The following IQCB1 variants were observed in gnomAD, a reference collection of about 807,000 sequenced individuals.
IQCB1 encodes IQ calmodulin-binding motif-containing protein 1.
A neutral mutation model predicts 84.4 loss-of-function variants in IQCB1; 56 were observed. The ratio of observed to expected loss-of-function variants is 0.66; its 90% CI spans 0.54 to 0.83. The LOEUF (loss-of-function observed/expected upper bound fraction) is 0.83, where lower values mean the gene tolerates loss of function less well. Among genes scored for constraint, IQCB1 ranks in the 40% least tolerant of loss-of-function variants. IQCB1 has a pLI of 0.00. For synonymous variants in IQCB1, 210 were observed against 234.8 expected, an observed-to-expected ratio of 0.89 and a Z score of 0.96; for missense variants, 629 against 682.1, an observed-to-expected ratio of 0.92 and a Z score of 0.87.
intron 10 of IQCB1, among the ~76,000 whole-genome samples, chr3:121,792,801 AT>A (rs1229385186): frequency 6.6e-6 from 1 of 152,150 alleles, no homozygotes; most frequent in African/African-American, 2.4e-5. Flanking sequence ...TTTGAATGTA[AT>A]TCCCCCATTT....
intron 5 of IQCB1, among the ~76,000 whole-genome samples, chr3:121,822,151 C>T (rs185964520): frequency 3.9e-5 from 6 of 152,290 alleles, no homozygotes; most frequent in Middle Eastern, 3.4e-3. Flanking sequence ...ATTCTAAGGC[C>T]TTTAAACTCA....
At chr3:121,791,700 C>T (rs1349470838) in intron 10 of IQCB1, among the ~76,000 whole-genome samples, 3 of 152,226 alleles carry the variant, frequency 2.0e-5, no homozygotes, top group Non-Finnish European at 4.4e-5. Context: ...CTGGGTTATA[C>T]AGCATGCAGA....
chr3:121,803,349 C>T lies in IQCB1; in HGVS notation c.588-3975G>A, dbSNP rs1225345592. Reference sequence around the variant, plus strand: ...TACAGGTGTGAGCCACCGTGCCCGGCCCCTTTTGTGTTTCTTGAGACTTTA... The same window carrying T: ...TACAGGTGTGAGCCACCGTGCCCGGTCCCTTTTGTGTTTCTTGAGACTTTA... On this transcript the variant is annotated intron_variant, in intron 7 of 14. Transcript: ENST00000310864. Among the ~76,000 whole-genome samples the T allele has an allele frequency of 2.6e-5, 4 of 152,308 alleles. No homozygotes were observed. The East Asian group carries it at 7.7e-4, about 29-fold the overall frequency.
chr3:121,781,137 TGA>T (rs1948470877), intron 13 of IQCB1, among the ~76,000 whole-genome samples: 1 of 152,046 alleles, frequency 6.6e-6, no homozygotes, highest in Non-Finnish European at 1.5e-5. Context: ...ACAGGAGTGG[TGA>T]GTTATTCCCA....
chr3:121,780,944 C>T (rs764378842), intron 13 of IQCB1, among the ~76,000 whole-genome samples: 4 of 151,990 alleles, frequency 2.6e-5, no homozygotes, highest in African/African-American at 2.4e-5. Flanking sequence ...CAACAAAACT[C>T]GTGAAAAGTA....
intron 5 of IQCB1, among the ~76,000 whole-genome samples, chr3:121,815,662 T>C (rs1438597606): frequency 2.0e-5 from 3 of 151,960 alleles, no homozygotes; most frequent in Non-Finnish European, 2.9e-5. Flanking sequence ...TCACAATTGC[T>C]ACAAACAGAA....
At chr3:121,828,747 C>T in intron 3 of IQCB1, 114 bp downstream of exon 3, 1 of 1,004,368 alleles carries the variant, frequency 1.0e-6, no homozygotes, top group Non-Finnish European at 1.5e-6. Context: ...AATTACTGTT[C>T]TATTATAGTG....
chr3:121,829,027 A>G (rs1475194617), intron 2 of IQCB1, 55 bp from the exon 3 acceptor site: 1 of 905,170 alleles, frequency 1.1e-6, no homozygotes, highest in Non-Finnish European at 1.8e-6. Context: ...AATGTTCACT[A>G]CCTAAATAAT....
At chr3:121,790,558 A>G (rs542998443) in intron 10 of IQCB1, among the ~76,000 whole-genome samples, 1 of 152,358 alleles carries the variant, frequency 6.6e-6, no homozygotes, top group South Asian at 2.1e-4. Flanking sequence ...GTATTACAAC[A>G]GTAACAAGTT....
chr3:121,773,936 T>G (rs968297834), intron 13 of IQCB1, among the ~76,000 whole-genome samples: 6 of 151,734 alleles, frequency 4.0e-5, no homozygotes, highest in African/African-American at 1.5e-4. Context: ...TTAAAAACCT[T>G]GGTGCACCAA....
intron 12 of IQCB1, 96 bp downstream of exon 12, chr3:121,788,188 T>TTGAC (rs573717172): frequency 2.7e-4 from 339 of 1,249,896 alleles, no homozygotes; most frequent in Non-Finnish European, 3.8e-4. Flanking sequence ...ACTAAGTGTC[T>TTGAC]TGACCAAGGC....
intron 10 of IQCB1, among the ~76,000 whole-genome samples, chr3:121,793,357 T>C (rs144529888): frequency 3.6e-4 from 55 of 152,288 alleles, no homozygotes; most frequent in Non-Finnish European, 7.1e-4. Flanking sequence ...AAAGAATGCC[T>C]CTTGCTGAAT....
chr3:121,777,536 T>C (rs1237317523), intron 13 of IQCB1, among the ~76,000 whole-genome samples: 1 of 152,242 alleles, frequency 6.6e-6, no homozygotes, highest in Non-Finnish European at 1.5e-5. Flanking sequence ...GGTCCAACAC[T>C]GACTGAAAAT....
chr3:121,818,504 TA>T (rs1950157217), intron 5 of IQCB1, among the ~76,000 whole-genome samples: 1 of 152,196 alleles, frequency 6.6e-6, no homozygotes, highest in Non-Finnish European at 1.5e-5. Flanking sequence ...AAACCGGACT[TA>T]GGGCAGGGCC....
intron 10 of IQCB1, 99 bp downstream of exon 10, chr3:121,795,358 A>T: frequency 1.3e-6 from 1 of 765,526 alleles, no homozygotes; most frequent in Non-Finnish European, 2.4e-6. Flanking sequence ...AGATAACAAG[A>T]AACATACTAG....
chr3:121,815,908 C>T (rs1416895755), intron 5 of IQCB1, among the ~76,000 whole-genome samples: 7 of 130,204 alleles, frequency 5.4e-5, no homozygotes, highest in African/African-American at 2.0e-4. Flanking sequence ...GAAAAAACTA[C>T]TTTACATTTC....
intron 8 of IQCB1, 55 bp from the exon 9 acceptor site, chr3:121,797,282 T>C: frequency 1.3e-6 from 1 of 799,932 alleles, no homozygotes; most frequent in South Asian, 1.7e-5. Context: ...AATATGATTT[T>C]GTTATCTAAT....
intron 7 of IQCB1, among the ~76,000 whole-genome samples, chr3:121,805,301 T>C (rs1388323249): frequency 6.6e-6 from 1 of 152,124 alleles, no homozygotes. Flanking sequence ...CATGCAGTAC[T>C]GCAAGTAGTT....
intron 13 of IQCB1, among the ~76,000 whole-genome samples, chr3:121,775,625 T>A (rs1948195776): frequency 6.6e-6 from 1 of 152,144 alleles, no homozygotes. Context: ...AGTATAATAA[T>A]AATTAAAAAG....
Sources: gnomAD v4.1 joint callset for allele counts (sites outside exome capture counted in the v4.1 genomes callset) on GRCh38, gnomAD v4.1.1 for gene constraint, MANE v1.5 for transcripts, NCBI Gene and HGNC (gene_info 2026-07-23, HGNC 2026-07-21) for gene names.